PIK3C2B: variants seen among roughly 807,000 people sequenced by gnomAD.
The protein encoded by PIK3C2B is phosphatidylinositol 4-phosphate 3-kinase C2 domain-containing subunit beta.
Under a neutral mutation model 184.3 loss-of-function variants are expected in PIK3C2B, and 83 were observed. That is an observed-to-expected ratio of 0.45 (90% CI 0.38 to 0.54). The LOEUF is 0.54. Among genes scored for constraint, PIK3C2B ranks in the 20% least tolerant of loss-of-function variants. The pLI, the probability that PIK3C2B is intolerant of heterozygous loss-of-function variation, is 0.00. For synonymous variants in PIK3C2B, 779 were observed against 837.6 expected (o/e 0.93, Z 1.21); for missense variants, 1,736 against 2,113.5 (o/e 0.82, Z 3.50).
In PIK3C2B at chr1:204,469,446, G is replaced by C; in HGVS notation, c.357C>G (p.Pro119=). The C allele has an allele frequency of 6.3e-7, 1 of 1,578,648 alleles. No homozygotes were observed. The highest frequency in any genetic ancestry group is 8.6e-7 in the Non-Finnish European group (1 of 1,166,386). ...QGPQPGSDPW[P]KGSLSGDYLY... ...GATAGTCTCCAGACAGGGAGCCTTTGGGCCAGGGATCTGAGCCAGGCTGTG... is the reference window on the plus strand; with the variant it reads ...GATAGTCTCCAGACAGGGAGCCTTTCGGCCAGGGATCTGAGCCAGGCTGTG... Residue 119 remains proline (P), a synonymous_variant, in exon 2 of 33, where the codon CCC becomes CCG. Coordinates refer to ENST00000684373, the MANE Select transcript of PIK3C2B (RefSeq NM_001377334.1).
intron 22 of PIK3C2B, 89 bp from the exon 23 acceptor site, chr1:204,439,160 T>G: frequency 1.5e-6 from 2 of 1,349,860 alleles, no homozygotes; most frequent in South Asian, 2.6e-5. Context: ...CATGCTTCCC[T>G]ATAAATTAAG....
chr1:204,431,846 A>G (rs1236960293), intron 27 of PIK3C2B, 53 bp from the exon 28 acceptor site: 2 of 1,610,436 alleles, frequency 1.2e-6, no homozygotes, highest in African/African-American at 1.3e-5. Context: ...GCACCCAGTG[A>G]AGGGTGTAGG....
At chr1:204,463,156 T>C (rs918377637) in intron 5 of PIK3C2B, among the ~76,000 whole-genome samples, 4 of 152,136 alleles carry the variant, frequency 2.6e-5, no homozygotes. Context: ...TAGACCTGAA[T>C]GTAAGAGAGA....
chr1:204,444,350 T>C lies in PIK3C2B; in HGVS notation c.2753A>G (p.Tyr918Cys). 1 of 1,613,680 alleles carries C rather than the reference T, an allele frequency of 6.2e-7. No individual in the cohort carries two copies. The highest frequency in any genetic ancestry group is 8.5e-7 in the Non-Finnish European group (1 of 1,179,732). The change falls in exon 17 of 33, where the codon TAC (tyrosine) becomes TGC (cysteine). Residue 918 changes from tyrosine to cysteine, a missense_variant. By Grantham distance (194) the Tyr-to-Cys change is radical. This residue lies in a region of PIK3C2B where 289 missense variants were observed against 380.4 expected (regional missense o/e 0.76). Transcript: ENST00000684373. ...ACCCACCTGTACCAGCTGGGGCAGG[T>C]AGTCTAGCAGCTCAGCATCTGAGAG... Reference protein sequence around the residue: ...GSLSDAELLDYLPQLVQALKY... With the variant: ...GSLSDAELLDCLPQLVQALKY...
chr1:204,437,170 A>T (rs931349847), intron 23 of PIK3C2B, among the ~76,000 whole-genome samples: 2 of 151,998 alleles, frequency 1.3e-5, no homozygotes, highest in African/African-American at 2.4e-5. Flanking sequence ...TAGGATACAC[A>T]GAGGCTTTGA....
At chr1:204,480,418 A>T (rs1657029723) in intron 1 of PIK3C2B, among the ~76,000 whole-genome samples, 1 of 152,032 alleles carries the variant, frequency 6.6e-6, no homozygotes, top group Non-Finnish European at 1.5e-5. Context: ...GCTGTTCCAG[A>T]GTTGGGAAAA....
At chr1:204,427,464 T>A (rs1674803497) in intron 31 of PIK3C2B, among the ~76,000 whole-genome samples, 184 bp downstream of exon 31, 1 of 152,206 alleles carries the variant, frequency 6.6e-6, no homozygotes, top group African/African-American at 2.4e-5. Context: ...AGACCACAGC[T>A]ACAAAAAGCT....
rs1674609717 is a variant in PIK3C2B at position 204,423,867 on chromosome 1, T to C, written c.*985A>G. 1 of 152,514 alleles carries C rather than the reference T, an allele frequency of 6.6e-6. No individual in the cohort carries two copies. Among genetic ancestry groups the C allele is most frequent in the South Asian group, 2.1e-4 (1 of 4,822 alleles). 9.4% of individuals were successfully genotyped at this position (152,514 alleles called of 1,614,324 possible). A position where few individuals can be genotyped will look rare whatever the true frequency, so the allele number is the denominator to read the frequency against. ...TAGGGACCTCTTCCCAGGGCCAAGA[T>C]GCTCTTGGGTGAAACTACATCTAAG... On this transcript the variant is annotated 3_prime_UTR_variant, in exon 33 of 33. Coordinates refer to ENST00000684373, the MANE Select transcript of PIK3C2B (RefSeq NM_001377334.1).
At chr1:204,429,847 G>A (rs1036843097) in intron 29 of PIK3C2B, 74 bp downstream of exon 29, 73 of 949,678 alleles carry the variant, frequency 7.7e-5, no homozygotes, top group Non-Finnish European at 1.2e-4. Context: ...TAGTGCCTCC[G>A]GATGCTTCCA....
At chr1:204,434,002 C>T in intron 24 of PIK3C2B, 53 bp from the exon 25 acceptor site, 1 of 1,446,178 alleles carries the variant, frequency 6.9e-7, no homozygotes, top group South Asian at 1.1e-5. Context: ...AGGAAGCCCA[C>T]CATATGGGCT....
intron 1 of PIK3C2B, among the ~76,000 whole-genome samples, chr1:204,487,407 T>C (rs1657682863): frequency 6.6e-6 from 1 of 152,264 alleles, no homozygotes; most frequent in African/African-American, 2.4e-5. Context: ...TTAAACCGCA[T>C]GGATTACCTC....
chr1:204,443,616 C>T lies in PIK3C2B; in HGVS notation c.2868-19G>A. 1 of 1,611,784 alleles carries T rather than the reference C, an allele frequency of 6.2e-7. No individual in the cohort carries two copies. Among genetic ancestry groups the T allele is most frequent in the Admixed American group, 1.7e-5 (1 of 60,000 alleles). The stretch of plus-strand genomic sequence containing the variant: ...CAGTAACCTGCAAGGCAGAGGGAGT[C>T]AGGAGTCAGGGCACTCCAGGGATCA... On this transcript the variant is annotated intron_variant, in intron 18 of 32. Coordinates refer to ENST00000684373, the MANE Select transcript of PIK3C2B (RefSeq NM_001377334.1).
chr1:204,493,715 C>A (rs1478770446), intron 1 of PIK3C2B, among the ~76,000 whole-genome samples: 1 of 152,182 alleles, frequency 6.6e-6, no homozygotes, highest in African/African-American at 2.4e-5. Context: ...GCTCCTCCAA[C>A]ATCAAAGTCA....
intron 13 of PIK3C2B, 22 bp downstream of exon 13, chr1:204,449,828 C>A (rs1386391885): frequency 1.9e-6 from 3 of 1,580,748 alleles, no homozygotes; most frequent in South Asian, 1.2e-5. Context: ...GGCCAAGAAG[C>A]TGTACCCTGG....
intron 12 of PIK3C2B, among the ~76,000 whole-genome samples, chr1:204,454,332 A>C (rs1372253258): frequency 2.0e-5 from 3 of 151,770 alleles, no homozygotes; most frequent in Non-Finnish European, 2.9e-5. Flanking sequence ...AATACAAAAA[A>C]TTAGCTGGGC....
At chr1:204,425,531 T>C (rs1558226027) in intron 32 of PIK3C2B, 82 bp downstream of exon 32, 6 of 1,439,924 alleles carry the variant, frequency 4.2e-6, no homozygotes, top group Non-Finnish European at 5.9e-6. Context: ...AACATCTTAA[T>C]ACGTTCTTCA....
intron 12 of PIK3C2B, 43 bp downstream of exon 12, chr1:204,454,626 G>C: frequency 6.2e-7 from 1 of 1,607,776 alleles, no homozygotes; most frequent in Non-Finnish European, 8.5e-7. Context: ...GGCTGAGCAG[G>C]TCTACAGTGG....
rs144532668 is a variant in PIK3C2B at position 204,468,984 on chromosome 1, G to A, written c.819C>T (p.Pro273=). The change falls in exon 2 of 33, where the codon CCC becomes CCT. Residue 273 remains proline (P), a synonymous_variant. Coordinates refer to ENST00000684373, the MANE Select transcript of PIK3C2B (RefSeq NM_001377334.1). ...LDFSKDTSGK[P]VARSKTMPPQ... Reference sequence around the variant, plus strand: ...GGGGCATAGTCTTGCTCCTGGCCACGGGTTTTCCAGAGGTGTCTTTGCTGA... The same window carrying A: ...GGGGCATAGTCTTGCTCCTGGCCACAGGTTTTCCAGAGGTGTCTTTGCTGA... 1.5e-5 allele frequency: 24 copies of A among 1,614,088 alleles called. No homozygotes were observed. Among genetic ancestry groups the A allele is most frequent in the African/African-American group, 9.3e-5 (7 of 74,928 alleles).
At chr1:204,474,758 A>C (rs1656585779) in intron 1 of PIK3C2B, among the ~76,000 whole-genome samples, 1 of 151,850 alleles carries the variant, frequency 6.6e-6, no homozygotes, top group South Asian at 2.1e-4. Context: ...CCAAATATGT[A>C]TCTCTCCTTC....
Sources: allele counts gnomAD v4.1 joint callset (sites outside exome capture counted in the v4.1 genomes callset), GRCh38; gene constraint gnomAD v4.1.1; regional missense constraint gnomAD v4.1.1; transcripts MANE v1.5; gene names NCBI Gene and HGNC (gene_info 2026-07-23, HGNC 2026-07-21).